The following MAD2L2 variants were observed in gnomAD, a reference collection of about 807,000 sequenced individuals.
MAD2L2 encodes the protein mitotic arrest deficient 2 like 2.
A neutral mutation model predicts 30.5 loss-of-function variants in MAD2L2; 17 were observed. That is an observed-to-expected ratio of 0.56 (90% CI 0.38 to 0.84). The LOEUF (loss-of-function observed/expected upper bound fraction) is 0.84. Among genes scored for constraint, MAD2L2 ranks in the 40% least tolerant of loss-of-function variants. MAD2L2 has a pLI of 0.00. For missense variants in MAD2L2, 213 were observed against 277.4 expected (o/e 0.77, Z 1.65); for synonymous variants, 101 against 113.9 (o/e 0.89, Z 0.72).
upstream of MAD2L2, among the ~76,000 whole-genome samples, chr1:11,682,884 A>G (rs1640900438): frequency 6.6e-6 from 1 of 152,180 alleles, no homozygotes; most frequent in African/African-American, 2.4e-5. Context: ...ACCATTCTCA[A>G]GATATGGGGA....
rs369802280 is a variant in MAD2L2 at position 11,677,127 on chromosome 1, C to T, written c.232-179G>A. On this transcript the variant is annotated intron_variant, in intron 4 of 8. Coordinates refer to ENST00000376692, the MANE Select transcript of MAD2L2 (RefSeq NM_006341.4). ...AGTTTGAGAAGCCGGCACCCTCCAGCATGAGTGGTGTAGGCTGAGAGAATG... is the reference window on the plus strand; with the variant it reads ...AGTTTGAGAAGCCGGCACCCTCCAGTATGAGTGGTGTAGGCTGAGAGAATG... 215 of 648,490 alleles carry T rather than the reference C, an allele frequency of 3.3e-4. 5 individuals are homozygous for T. The highest frequency in any genetic ancestry group is 3.2e-3 in the South Asian group (181 of 57,348). 40.2% of individuals were successfully genotyped at this position (648,490 alleles called of 1,614,324 possible). A position where few individuals can be genotyped will look rare whatever the true frequency, so the allele number is the denominator to read the frequency against.
At chr1:11,682,039 C>G (rs773694779), upstream of MAD2L2, 3 of 152,194 alleles carry the variant, frequency 2.0e-5, no homozygotes, top group Non-Finnish European at 4.4e-5. Flanking sequence ...AAAATAATGA[C>G]TAACATCGAG....
chr1:11,677,658 G>A (rs1472950885), intron 3 of MAD2L2, 44 bp from the exon 4 acceptor site: 11 of 1,538,460 alleles, frequency 7.2e-6, no homozygotes, highest in African/African-American at 1.4e-5. Context: ...AAGCACAGAT[G>A]GGGAAACCAC....
Position 11,675,707 on chromosome 1 carries a change from T to A in MAD2L2, c.452A>T (p.His151Leu), listed in dbSNP as rs752575348. 2 of 1,614,090 alleles carry A rather than the reference T, an allele frequency of 1.2e-6. No individual in the cohort carries two copies. The highest frequency in any genetic ancestry group is 4.5e-5 in the East Asian group (2 of 44,882). The change falls in exon 7 of 9, where the codon CAC becomes CTC. Residue 151 changes from histidine to leucine, a missense_variant. His to Leu is a moderately conservative substitution (Grantham distance 99, BLOSUM62 -3). Coordinates refer to ENST00000376692, the MANE Select transcript of MAD2L2 (RefSeq NM_006341.4). The stretch of plus-strand genomic sequence containing the variant: ...GTTGCGAGTGGCGGCTTCTCTCGTG[T>A]GCACCAGGACTGTGAAGGTACAGCC... ...PPGCTFTVLV[H>L]TREAATRNME...
At chr1:11,680,499 G>C in intron 2 of MAD2L2, 28 bp from the exon 3 acceptor site, 1 of 1,611,454 alleles carries the variant, frequency 6.2e-7, no homozygotes, top group Non-Finnish European at 8.5e-7. Flanking sequence ...CCGGTGGCGC[G>C]CTCGAGGAAG....
chr1:11,682,107 A>C (rs1364050773), upstream of MAD2L2: 1 of 152,238 alleles, frequency 6.6e-6, no homozygotes, highest in Non-Finnish European at 1.5e-5. Context: ...CTAGCAGCTA[A>C]GTCTCCATTT....
chr1:11,679,028 G>T (rs559980096), intron 3 of MAD2L2, among the ~76,000 whole-genome samples: 7 of 152,206 alleles, frequency 4.6e-5, no homozygotes, highest in African/African-American at 1.7e-4. Context: ...GCCAGATGTG[G>T]TGGCACACGC....
Position 11,675,715 on chromosome 1 carries a change from G to A in MAD2L2, c.444C>T (p.Val148=). The part of the protein sequence containing the change: ...DHNPPGCTFT[V]LVHTREAATR... ...TGGCGGCTTCTCTCGTGTGCACCAG[G>A]ACTGTGAAGGTACAGCCTGGAGAGG... is the stretch of plus-strand genomic sequence containing the variant. The change falls in exon 7 of 9, where the codon GTC becomes GTT. Residue 148 remains valine, a synonymous_variant. Coordinates refer to ENST00000376692, the MANE Select transcript of MAD2L2 (RefSeq NM_006341.4). 1.9e-6 allele frequency: 3 copies of A among 1,614,012 alleles called. No individual in the cohort carries two copies. Among genetic ancestry groups the A allele is most frequent in the Non-Finnish European group, 2.5e-6 (3 of 1,179,990 alleles).
In MAD2L2 at chr1:11,687,847, C is replaced by T. The variant is rs72869758; in HGVS notation, c.-692+3566G>A. ...AATACTCCCGTGTATGGATAGACCA[C>T]ATCTGCTTATCCAGTCATCAGTTGA... On this transcript the variant is annotated intron_variant, in intron 1 of 10. Coordinates refer to the MAD2L2 transcript ENST00000235310. This position sits in a 1 kb window ranked among gnomAD's most constrained non-coding sequence, Gnocchi z 4.1. Among the ~76,000 whole-genome samples the T allele has an allele frequency of 0.027, 4,175 of 152,284 alleles. 189 individuals are homozygous for T. The highest frequency in any genetic ancestry group is 0.094 in the African/African-American group (3,891 of 41,538).
At chr1:11,675,550 C>A in intron 7 of MAD2L2, 108 bp downstream of exon 7, 1 of 1,099,090 alleles carries the variant, frequency 9.1e-7, no homozygotes, top group Non-Finnish European at 1.4e-6. Context: ...CAGGCGCTGC[C>A]ACACCAATGT....
chr1:11,674,979 T>G lies in MAD2L2; in HGVS notation c.594+103A>C. The G allele has an allele frequency of 7.9e-7, 1 of 1,259,446 alleles. No individual in the cohort carries two copies. Among genetic ancestry groups the G allele is most frequent in the African/African-American group, 1.5e-5 (1 of 67,104 alleles). The allele number at this position is 1,259,446 out of a possible 1,614,324, so 78.0% of individuals were successfully genotyped here. A position where few individuals can be genotyped will look rare whatever the true frequency, so the allele number is the denominator to read the frequency against. On this transcript the variant is annotated intron_variant, in intron 8 of 8. Transcript: ENST00000376692. This position sits in a 1 kb window ranked among gnomAD's most constrained non-coding sequence, Gnocchi z 6.1. Reference sequence around the variant, plus strand: ...ATGGGAGGAGCCCTCCACCAGGCACTCCCCCGTTCTCTCCCGCAAGCCCTC... The same window carrying G: ...ATGGGAGGAGCCCTCCACCAGGCACGCCCCCGTTCTCTCCCGCAAGCCCTC...
intron 7 of MAD2L2, 30 bp downstream of exon 7, chr1:11,675,628 G>T (rs749611254): frequency 6.2e-7 from 1 of 1,607,708 alleles, no homozygotes; most frequent in South Asian, 1.1e-5. Flanking sequence ...TCTAGAGCCT[G>T]CGCCCAGACC....
intron 4 of MAD2L2, chr1:11,677,166 G>A (rs1196845476): frequency 1.6e-6 from 1 of 615,232 alleles, no homozygotes; most frequent in Non-Finnish European, 2.9e-6. Context: ...GGGCCCCATA[G>A]GGAAGGTCCC....
In MAD2L2 at chr1:11,676,874, G is replaced by A; in HGVS notation, c.306C>T (p.Ile102=). ...HRPVEKFVFE[I]TQPPLLSISS... is the part of the protein sequence containing the mutation. ...TGATGGACAGCAGTGGAGGCTGGGT[G>A]ATCTCAAAGACGAATTTCTCCACTG... The change falls in exon 5 of 9, where the codon ATC becomes ATT. Residue 102 remains isoleucine (I), a synonymous_variant. Transcript: ENST00000376692. The A allele has an allele frequency of 6.2e-7, 1 of 1,614,122 alleles. No homozygotes were observed. The highest frequency in any genetic ancestry group is 8.5e-7 in the Non-Finnish European group (1 of 1,179,972).
chr1:11,683,975 A>T (rs1479308905), upstream of MAD2L2, among the ~76,000 whole-genome samples: 1 of 152,194 alleles, frequency 6.6e-6, no homozygotes, highest in Non-Finnish European at 1.5e-5. Context: ...TCCATCTCAA[A>T]AAAACAAAAA....
chr1:11,691,390 G>C (rs1456064023), intron 1 of MAD2L2: 3 of 151,810 alleles, frequency 2.0e-5, no homozygotes, highest in Non-Finnish European at 4.4e-5. Context: ...GCCCTGGGCC[G>C]CGCCGAGGCG....
At position 11,680,456 on chromosome 1, in the gene MAD2L2, A is replaced by G; in HGVS notation, c.56T>C (p.Leu19Pro). Residue 19 changes from leucine to proline, a missense_variant, in exon 3 of 9, where the codon CTC becomes CCC. Transcript: ENST00000376692. Reference protein sequence around the residue: ...LNFGQVVADVLCEFLEVAVHL... With the variant: ...LNFGQVVADVPCEFLEVAVHL... ...CACAGCCACCTCCAGGAACTCGCAG[A>G]GCACATCGGCCACCACTGCAGGGGG... 6.2e-7 allele frequency: 1 copy of G among 1,613,844 alleles called. No homozygotes were observed. Among genetic ancestry groups the G allele is most frequent in the South Asian group, 1.1e-5 (1 of 91,082 alleles).
chr1:11,675,774 G>A, intron 6 of MAD2L2, 43 bp from the exon 7 acceptor site: 1 of 1,524,528 alleles, frequency 6.6e-7, no homozygotes, highest in South Asian at 1.1e-5. Flanking sequence ...CACCGCCCTG[G>A]TGCCAGCCAC....
chr1:11,684,696 C>A (rs1214323379), upstream of MAD2L2, among the ~76,000 whole-genome samples: 2 of 152,158 alleles, frequency 1.3e-5, no homozygotes, highest in African/African-American at 2.4e-5. Context: ...CCCATCCCCA[C>A]CAGGCTGATG....
Sources: gnomAD v4.1 joint callset for allele counts (sites outside exome capture counted in the v4.1 genomes callset) on GRCh38, gnomAD v4.1.1 for gene constraint, Gnocchi (gnomAD v3.1) non-coding constraint, MANE v1.5 for transcripts, NCBI Gene and HGNC (gene_info 2026-07-23, HGNC 2026-07-21) for gene names.